Variants in MRPL45 observed in about 807,000 individuals in gnomAD.
MRPL45 encodes the protein large ribosomal subunit protein mL45.
MRPL45 carries 20 observed loss-of-function variants against 38.1 expected under a neutral mutation model. That is an observed-to-expected ratio of 0.53 (90% CI 0.37 to 0.76). MRPL45 has a LOEUF of 0.76. Among genes scored for constraint, MRPL45 ranks in the 30% least tolerant of loss-of-function variants. The pLI, the probability that MRPL45 is intolerant of heterozygous loss-of-function variation, is 0.00. For synonymous variants in MRPL45, 105 were observed against 128.8 expected (o/e 0.82, Z 1.25); for missense variants, 337 against 395.6 (o/e 0.85, Z 1.26).
chr17:38,304,455 G>A (rs1463558565), intron 3 of MRPL45, among the ~76,000 whole-genome samples: 2 of 152,252 alleles, frequency 1.3e-5, no homozygotes, highest in African/African-American at 4.8e-5. Flanking sequence ...TAGCCTGGGT[G>A]ACAGAGTGAG....
intron 4 of MRPL45, among the ~76,000 whole-genome samples, chr17:38,307,779 G>A (rs1260114459): frequency 1.3e-5 from 2 of 152,110 alleles, no homozygotes; most frequent in Non-Finnish European, 2.9e-5. Context: ...CTGTGGCTAG[G>A]CTTCAGGTGG....
At chr17:38,313,624 C>T (rs2037146816) in intron 4 of MRPL45, among the ~76,000 whole-genome samples, 1 of 150,438 alleles carries the variant, frequency 6.6e-6, no homozygotes, top group South Asian at 2.1e-4. Context: ...AGCATCTTTT[C>T]ATGTGCTATT....
intron 4 of MRPL45, among the ~76,000 whole-genome samples, chr17:38,316,807 CT>C (rs370470597): frequency 5.6e-4 from 80 of 141,630 alleles, no homozygotes; most frequent in African/African-American, 1.8e-3. Flanking sequence ...CCAACATTTC[CT>C]TTTTTTTTGA....
Position 38,322,194 on chromosome 17 carries a change from G to A in MRPL45, c.729G>A (p.Leu243=). ...YGQEDVPKDV[L]EYVVFEKQLT... ...AGGAAGATGTACCCAAGGATGTCCTGGAGTATGTTGTATTCGAAAAGCAGT... is the reference window on the plus strand; with the variant it reads ...AGGAAGATGTACCCAAGGATGTCCTAGAGTATGTTGTATTCGAAAAGCAGT... Residue 243 remains leucine (L), a synonymous_variant, in exon 7 of 8, where the codon CTG becomes CTA. Coordinates refer to ENST00000613675, the MANE Select transcript of MRPL45 (RefSeq NM_032351.6). 6.2e-7 allele frequency: 1 copy of A among 1,614,084 alleles called. No homozygotes were observed. Among genetic ancestry groups the A allele is most frequent in the South Asian group, 1.1e-5 (1 of 91,074 alleles).
In MRPL45 at chr17:38,314,135, G is replaced by A. The variant is rs143731355; in HGVS notation, c.462-4552G>A. ...TTATTAGTTTTTGAGATGGAGTTTT[G>A]CTCTTGAAGCCCAGGCTGGAGTGCA... On this transcript the variant is annotated intron_variant, in intron 4 of 7. Transcript: ENST00000613675. Among the ~76,000 whole-genome samples, 1,176 of 151,500 alleles carry A rather than the reference G, an allele frequency of 7.8e-3. 12 individuals are homozygous for A. The highest frequency in any genetic ancestry group is 0.027 in the African/African-American group (1,100 of 41,274).
chr17:38,310,177 A>G (rs1345145491), intron 4 of MRPL45, among the ~76,000 whole-genome samples: 1 of 119,884 alleles, frequency 8.3e-6, no homozygotes, highest in Admixed American at 9.4e-5. Flanking sequence ...AAAATTCTCC[A>G]TTCTGTCATC....
At chr17:38,320,378 C>T (rs573578249) in intron 5 of MRPL45, among the ~76,000 whole-genome samples, 1 of 152,196 alleles carries the variant, frequency 6.6e-6, no homozygotes, top group African/African-American at 2.4e-5. Flanking sequence ...GAAGGGTCCT[C>T]AAAGAGGAAG....
At chr17:38,299,105 G>A (rs932442034) in intron 2 of MRPL45, among the ~76,000 whole-genome samples, 3 of 151,646 alleles carry the variant, frequency 2.0e-5, no homozygotes, top group Non-Finnish European at 2.9e-5. Context: ...GGCCAGGCTG[G>A]TCTTGAATTC....
intron 4 of MRPL45, among the ~76,000 whole-genome samples, chr17:38,308,968 G>A (rs2037081227): frequency 2.0e-5 from 3 of 151,346 alleles, no homozygotes; most frequent in South Asian, 2.1e-4. Context: ...GTGCAGTAGC[G>A]CAATCTCGAC....
At position 38,313,329 on chromosome 17, in the gene MRPL45, TATAC is replaced by T. The variant is rs1265688258; in HGVS notation, c.462-5354_462-5351del. On this transcript the variant is annotated intron_variant, in intron 4 of 7. Transcript: ENST00000613675. ...AAAAAAAAATATATATATATATATA[TATAC>T]ATATATATATATACGTATATATATA... Among the ~76,000 whole-genome samples the T allele has an allele frequency of 3.9e-3, 65 of 16,554 alleles. 1 individual carries two copies. The highest frequency in any genetic ancestry group is 0.045 in the Middle Eastern group (1 of 22). 10.9% of individuals were successfully genotyped at this position (16,554 alleles called of 152,430 possible).
chr17:38,308,688 C>T (rs1319297191), intron 4 of MRPL45, among the ~76,000 whole-genome samples: 6 of 151,966 alleles, frequency 3.9e-5, no homozygotes, highest in African/African-American at 1.2e-4. Context: ...GATCCGCCCA[C>T]CTCGGCCTCC....
At chr17:38,298,033 G>A (rs1261023216) in intron 1 of MRPL45, among the ~76,000 whole-genome samples, 1 of 152,216 alleles carries the variant, frequency 6.6e-6, no homozygotes, top group Admixed American at 6.5e-5. Flanking sequence ...GGAGGTCAAG[G>A]CTGCAGTGAA....
At chr17:38,306,361 A>G (rs992105530) in intron 3 of MRPL45, among the ~76,000 whole-genome samples, 172 bp from the exon 4 acceptor site, 1 of 151,456 alleles carries the variant, frequency 6.6e-6, no homozygotes, top group Non-Finnish European at 1.5e-5. Context: ...GTGAGCCGAG[A>G]TCATGCCACT....
chr17:38,302,486 C>CAA (rs1301214106), intron 3 of MRPL45, among the ~76,000 whole-genome samples: 68 of 55,756 alleles, frequency 1.2e-3, no homozygotes, highest in Admixed American at 3.5e-3. Flanking sequence ...GACTCCATCT[C>CAA]AAAAAAAAAA....
At chr17:38,313,333 C>CGTATATATATATATACAT (rs1230995888) in intron 4 of MRPL45, among the ~76,000 whole-genome samples, 6 of 17,252 alleles carry the variant, frequency 3.5e-4, no homozygotes, top group Non-Finnish European at 5.3e-4. Context: ...TATATATATA[C>CGTATATATATATATACAT]ATATATATAT....
intron 4 of MRPL45, among the ~76,000 whole-genome samples, chr17:38,309,713 A>G (rs2144219133): frequency 6.6e-6 from 1 of 150,878 alleles, no homozygotes; most frequent in South Asian, 2.1e-4. Flanking sequence ...TCCACCTCAG[A>G]CTCCCAAAAT....
At position 38,322,502 on chromosome 17, in the gene MRPL45, C is replaced by T. The variant is rs1387421781; in HGVS notation, c.835-7C>T. The T allele has an allele frequency of 6.2e-7, 1 of 1,612,726 alleles. No individual in the cohort carries two copies. Among genetic ancestry groups the T allele is most frequent in the Non-Finnish European group, 8.5e-7 (1 of 1,179,696 alleles). ...TTGGTGGGTAACCTGGCGTCCTACT[C>T]TTTCAGACGGTGATGATCCCTGGCC... On this transcript the variant is annotated splice_region_variant and splice_polypyrimidine_tract_variant and intron_variant, in intron 7 of 7. Coordinates refer to ENST00000613675, the MANE Select transcript of MRPL45 (RefSeq NM_032351.6).
chr17:38,316,737 C>CAAAAAAAA (rs61383463), intron 4 of MRPL45, among the ~76,000 whole-genome samples: 1 of 61,212 alleles, frequency 1.6e-5, no homozygotes, highest in Non-Finnish European at 3.1e-5. Context: ...TGGTGCAATC[C>CAAAAAAAA]AAAAAAAAAA....
At chr17:38,315,987 C>T (rs778308681) in intron 4 of MRPL45, among the ~76,000 whole-genome samples, 1 of 152,126 alleles carries the variant, frequency 6.6e-6, no homozygotes, top group East Asian at 1.9e-4. Context: ...GTTGACCAGG[C>T]TGGTCTCGAA....
Sources: gnomAD v4.1 joint callset for allele counts (sites outside exome capture counted in the v4.1 genomes callset) on GRCh38, gnomAD v4.1.1 for gene constraint, MANE v1.5 for transcripts, NCBI Gene and HGNC (gene_info 2026-07-23, HGNC 2026-07-21) for gene names.